MAN1A1: variants seen among roughly 807,000 people sequenced by gnomAD.
MAN1A1 encodes mannosyl-oligosaccharide 1,2-alpha-mannosidase IA.
In MAN1A1, 29 loss-of-function variants were observed where a neutral mutation model predicts 70.8. That is an observed-to-expected ratio of 0.41 (90% CI 0.31 to 0.56). MAN1A1 has a LOEUF of 0.56. MAN1A1 is among the 20% of genes least tolerant of loss of function. The probability of loss-of-function intolerance (pLI) is 0.29; values close to 1 mark genes in which losing one functional copy is unlikely to be tolerated. For missense variants in MAN1A1, 747 were observed against 841.3 expected, an observed-to-expected ratio of 0.89 and a Z score of 1.39; for synonymous variants, 349 against 330.1, an observed-to-expected ratio of 1.06 and a Z score of -0.62.
At chr6:119,199,114 T>C (rs917656288) in intron 8 of MAN1A1, among the ~76,000 whole-genome samples, 1 of 152,234 alleles carries the variant, frequency 6.6e-6, no homozygotes, top group Non-Finnish European at 1.5e-5. Flanking sequence ...CATTCCATTA[T>C]ACAATATCAG....
chr6:119,345,038 C>T (rs1554218059), intron 2 of MAN1A1, among the ~76,000 whole-genome samples: 1 of 152,006 alleles, frequency 6.6e-6, no homozygotes, highest in Non-Finnish European at 1.5e-5. Flanking sequence ...AAAGGAGTCC[C>T]CTCTGACAAC....
chr6:119,254,197 G>A, intron 5 of MAN1A1, among the ~76,000 whole-genome samples: 1 of 152,188 alleles, frequency 6.6e-6, no homozygotes, highest in Non-Finnish European at 1.5e-5. Context: ...GTGCTGAAAA[G>A]CAAATTTTTA....
At chr6:119,346,332 T>C (rs1190926900) in intron 2 of MAN1A1, among the ~76,000 whole-genome samples, 1 of 152,190 alleles carries the variant, frequency 6.6e-6, no homozygotes, top group African/African-American at 2.4e-5. Context: ...TTCTTTTGGT[T>C]TACAAAGGAA....
chr6:119,199,140 A>G (rs1773649551), intron 8 of MAN1A1, among the ~76,000 whole-genome samples: 1 of 152,198 alleles, frequency 6.6e-6, no homozygotes, highest in South Asian at 2.1e-4. Context: ...CACATTTGTT[A>G]ATATCATCAT....
intron 5 of MAN1A1, chr6:119,269,613 GACC>G (rs896885267): frequency 5.8e-6 from 1 of 173,080 alleles, no homozygotes; most frequent in African/African-American, 2.4e-5. Context: ...TGCAGTGCAC[GACC>G]ACCACCTTCT....
At chr6:119,182,479 G>A (rs1314627395) in intron 11 of MAN1A1, among the ~76,000 whole-genome samples, 1 of 151,002 alleles carries the variant, frequency 6.6e-6, no homozygotes, top group Non-Finnish European at 1.5e-5. Flanking sequence ...GGAGTTTTAT[G>A]GTTTCAGGTC....
intron 2 of MAN1A1, among the ~76,000 whole-genome samples, chr6:119,330,357 C>G (rs115018581): frequency 8.9e-4 from 136 of 152,260 alleles, no homozygotes; most frequent in African/African-American, 3.2e-3. Flanking sequence ...GTGACCCAAT[C>G]AGGAACCCAA....
chr6:119,282,140 C>T (rs1224221919), intron 5 of MAN1A1, among the ~76,000 whole-genome samples: 1 of 152,150 alleles, frequency 6.6e-6, no homozygotes, highest in Non-Finnish European at 1.5e-5. Context: ...GTTTCAAGCA[C>T]TCACTTGGCA....
intron 7 of MAN1A1, among the ~76,000 whole-genome samples, chr6:119,201,764 AC>A (rs1344194162): frequency 2.0e-5 from 3 of 152,222 alleles, no homozygotes; most frequent in African/African-American, 7.2e-5. Context: ...TTTCTAGGTT[AC>A]AAACCTGTGT....
Position 119,178,768 on chromosome 6 carries a change from A to G in MAN1A1, c.*1051T>C, listed in dbSNP as rs1582669897. On this transcript the variant is annotated 3_prime_UTR_variant, in exon 13 of 13. Coordinates refer to ENST00000368468, the MANE Select transcript of MAN1A1 (RefSeq NM_005907.4). ...GTAAAATTGGCAAAGCTTCTTTCAG[A>G]GTCAAATCCTGCTTTCACAAACTGA... 6.6e-6 allele frequency: 1 copy of G among 152,146 alleles called. No individual in the cohort carries two copies. The highest frequency in any genetic ancestry group is 6.5e-5 in the Admixed American group (1 of 15,276). The allele number at this position is 152,146 out of a possible 1,614,324, so 9.4% of individuals were successfully genotyped here.
At chr6:119,203,566 G>C (rs2114948541) in intron 7 of MAN1A1, among the ~76,000 whole-genome samples, 1 of 152,178 alleles carries the variant, frequency 6.6e-6, no homozygotes, top group East Asian at 1.9e-4. Flanking sequence ...GGTGGCTACT[G>C]TATGGTGTAC....
chr6:119,284,347 G>A (rs1776302809), intron 5 of MAN1A1, among the ~76,000 whole-genome samples: 1 of 152,082 alleles, frequency 6.6e-6, no homozygotes, highest in East Asian at 1.9e-4. Context: ...AACATGCCTA[G>A]AAGGGTCTTC....
intron 6 of MAN1A1, among the ~76,000 whole-genome samples, chr6:119,226,766 G>T (rs1393567750): frequency 6.6e-6 from 1 of 152,160 alleles, no homozygotes; most frequent in East Asian, 1.9e-4. Flanking sequence ...TGCCTCCTGG[G>T]TTCAAGCGAT....
intron 4 of MAN1A1, among the ~76,000 whole-genome samples, chr6:119,300,898 A>C (rs1562232856): frequency 6.6e-6 from 1 of 152,238 alleles, no homozygotes; most frequent in East Asian, 1.9e-4. Context: ...GAGTAGAAAC[A>C]AAATATTAAA....
At chr6:119,280,528 T>C (rs529144401) in intron 5 of MAN1A1, among the ~76,000 whole-genome samples, 3 of 152,364 alleles carry the variant, frequency 2.0e-5, no homozygotes, top group Non-Finnish European at 4.4e-5. Context: ...GCTGATTCAC[T>C]TAATGAATGA....
At chr6:119,338,473 C>T (rs1188186937) in intron 2 of MAN1A1, among the ~76,000 whole-genome samples, 1 of 152,192 alleles carries the variant, frequency 6.6e-6, no homozygotes, top group Non-Finnish European at 1.5e-5. Context: ...CCTCTTCACA[C>T]ATAAGAACAA....
At position 119,227,566 on chromosome 6, in the gene MAN1A1, C is replaced by T. The variant is rs556027922; in HGVS notation, c.992+20694G>A. On this transcript the variant is annotated intron_variant, in intron 6 of 12. Transcript: ENST00000368468. ...AATAATGGCTCATTGCAGCCTTGAC[C>T]TCAAACAATTCTCCTGCCTCAGCCT... 3.9e-5 allele frequency among the ~76,000 whole-genome samples: 6 copies of T among 152,156 alleles called. No individual in the cohort carries two copies. In the South Asian group the frequency reaches 1.0e-3, roughly 26 times the overall value.
chr6:119,226,089 T>G (rs1182163949), intron 6 of MAN1A1, among the ~76,000 whole-genome samples: 2 of 152,224 alleles, frequency 1.3e-5, no homozygotes, highest in Non-Finnish European at 2.9e-5. Context: ...TATAATTTAC[T>G]TGAAATACAA....
At chr6:119,316,803 CTA>C (rs1772866040) in intron 2 of MAN1A1, among the ~76,000 whole-genome samples, 1 of 152,028 alleles carries the variant, frequency 6.6e-6, no homozygotes, top group South Asian at 2.1e-4. Flanking sequence ...TTTACAAATA[CTA>C]TGAGGTTATC....
Sources: allele counts gnomAD v4.1 joint callset (sites outside exome capture counted in the v4.1 genomes callset), GRCh38; gene constraint gnomAD v4.1.1; transcripts MANE v1.5; gene names NCBI Gene and HGNC (gene_info 2026-07-23, HGNC 2026-07-21).